RIMS1: variants seen among roughly 807,000 people sequenced by gnomAD.
The protein encoded by RIMS1 is regulating synaptic membrane exocytosis 1.
A neutral mutation model predicts 214.1 loss-of-function variants in RIMS1; 83 were observed. The observed-to-expected ratio is 0.39, with a 90% CI of 0.32 to 0.47. The LOEUF (loss-of-function observed/expected upper bound fraction) is 0.47. Ranked by LOEUF, RIMS1 falls within the 20% of genes least tolerant of loss-of-function variation. RIMS1 has a pLI of 0.99. For synonymous variants in RIMS1, 793 were observed against 786.8 expected (o/e 1.01, Z -0.13); for missense variants, 2,050 against 2,161.8 (o/e 0.95, Z 1.03).
At chr6:72,067,462 T>G (rs1251242569) in intron 2 of RIMS1, among the ~76,000 whole-genome samples, 1 of 152,190 alleles carries the variant, frequency 6.6e-6, no homozygotes, top group Non-Finnish European at 1.5e-5. Flanking sequence ...TCATCTCTAT[T>G]CAAATTCACT....
chr6:72,292,209 G>A (rs1592236468), intron 26 of RIMS1, among the ~76,000 whole-genome samples, 163 bp downstream of exon 26: 2 of 152,204 alleles, frequency 1.3e-5, no homozygotes, highest in East Asian at 3.9e-4. Context: ...AGTGACAGTG[G>A]TTCATGGCAT....
chr6:72,304,924 C>A (rs1245393925), intron 26 of RIMS1, among the ~76,000 whole-genome samples: 1 of 151,838 alleles, frequency 6.6e-6, no homozygotes, highest in African/African-American at 2.4e-5. Context: ...GGAGTCTACT[C>A]ATCATTTTGA....
chr6:72,307,494 C>G, intron 27 of RIMS1, 124 bp downstream of exon 27: 1 of 589,366 alleles, frequency 1.7e-6, no homozygotes, highest in Non-Finnish European at 2.9e-6. Context: ...CATGGTAGCT[C>G]ACACCTGTAA....
intron 4 of RIMS1, among the ~76,000 whole-genome samples, chr6:72,142,117 G>A (rs1223270294): frequency 6.6e-6 from 1 of 151,886 alleles, no homozygotes. Context: ...CACTAAGTAT[G>A]TGACTGGAAA....
intron 27 of RIMS1, among the ~76,000 whole-genome samples, chr6:72,311,447 G>T (rs972594730): frequency 6.6e-6 from 1 of 152,146 alleles, no homozygotes; most frequent in Admixed American, 6.5e-5. Flanking sequence ...AAACCATATT[G>T]TCACATTGCT....
chr6:72,119,309 T>C (rs1315816549), intron 4 of RIMS1, among the ~76,000 whole-genome samples: 1 of 151,664 alleles, frequency 6.6e-6, no homozygotes, highest in African/African-American at 2.4e-5. Context: ...AAAAAAATAA[T>C]AGATGACACA....
At chr6:72,319,644 C>T (rs1430304852) in intron 28 of RIMS1, among the ~76,000 whole-genome samples, 1 of 151,986 alleles carries the variant, frequency 6.6e-6, no homozygotes, top group Non-Finnish European at 1.5e-5. Context: ...AACAAGTGTA[C>T]AACTTCTTTA....
At chr6:72,249,237 TA>T (rs2071828972) in intron 12 of RIMS1, among the ~76,000 whole-genome samples, 1 of 152,166 alleles carries the variant, frequency 6.6e-6, no homozygotes, top group African/African-American at 2.4e-5. Context: ...GGAAAAAAAT[TA>T]AAGTTAACAT....
At position 72,321,843 on chromosome 6, in the gene RIMS1, A is replaced by C. The variant is rs146918328; in HGVS notation, c.4130+8171A>C. ...CCCTTCTGGGGACAGTATCACTCCC[A>C]ATGGGAATGCATGTTCAAATGAGTC... On this transcript the variant is annotated intron_variant, in intron 28 of 33. Transcript: ENST00000521978. 2.5e-3 allele frequency among the ~76,000 whole-genome samples: 384 copies of C among 152,146 alleles called. 1 individual carries two copies. Among genetic ancestry groups the C allele is most frequent in the African/African-American group, 8.7e-3 (363 of 41,524 alleles).
intron 2 of RIMS1, among the ~76,000 whole-genome samples, chr6:72,027,774 T>A (rs567588522): frequency 6.6e-6 from 1 of 152,268 alleles, no homozygotes; most frequent in South Asian, 2.1e-4. Context: ...TGGGTTTTTT[T>A]AATGGGAGTA....
chr6:72,262,223 A>T (rs1175671447), intron 19 of RIMS1: 7 of 761,392 alleles, frequency 9.2e-6, no homozygotes, highest in Non-Finnish European at 1.1e-5. Context: ...TTATATACTT[A>T]TATAATATTA....
intron 2 of RIMS1, among the ~76,000 whole-genome samples, chr6:72,085,716 G>A (rs1405194351): frequency 6.6e-6 from 1 of 152,096 alleles, no homozygotes; most frequent in Non-Finnish European, 1.5e-5. Flanking sequence ...TGAATCAGAA[G>A]CTCTGTAGGT....
At chr6:72,036,415 T>C (rs767895701) in intron 2 of RIMS1, among the ~76,000 whole-genome samples, 7 of 152,122 alleles carry the variant, frequency 4.6e-5, no homozygotes, top group Non-Finnish European at 1.0e-4. Flanking sequence ...CCTGCACTTA[T>C]CTATTCATTC....
intron 1 of RIMS1, among the ~76,000 whole-genome samples, chr6:71,939,358 T>G (rs1785364619): frequency 6.6e-6 from 1 of 152,170 alleles, no homozygotes. Context: ...AATACAGGCT[T>G]TTGGTAGCCC....
In RIMS1 at chr6:72,122,100, T is replaced by C. The variant is rs892532393; in HGVS notation, c.471+22114T>C. 1.5e-4 allele frequency among the ~76,000 whole-genome samples: 23 copies of C among 151,878 alleles called. 1 individual carries two copies. The highest frequency in any genetic ancestry group is 5.6e-4 in the African/African-American group (23 of 41,414). ...TTCTTATAGATGTTCATCAGGGATA[T>C]TTGTCTAAAATTCTCTTTTTTTTGT... is the stretch of plus-strand genomic sequence containing the variant. On this transcript the variant is annotated intron_variant, in intron 4 of 33. Transcript: ENST00000521978.
intron 4 of RIMS1, among the ~76,000 whole-genome samples, chr6:72,159,919 C>A (rs936583732): frequency 1.2e-4 from 17 of 139,748 alleles, no homozygotes; most frequent in African/African-American, 3.9e-4. Flanking sequence ...TTTTCCAATT[C>A]TGTCAAGAAA....
At chr6:71,986,185 G>GTTT (rs1193195276) in intron 2 of RIMS1, among the ~76,000 whole-genome samples, 1 of 99,408 alleles carries the variant, frequency 1.0e-5, no homozygotes, top group Admixed American at 1.3e-4. Flanking sequence ...ACAACTTTGG[G>GTTT]TTTTGTTTTT....
chr6:72,271,707 T>A (rs1487527337), intron 22 of RIMS1, among the ~76,000 whole-genome samples: 1 of 152,182 alleles, frequency 6.6e-6, no homozygotes, highest in Admixed American at 6.5e-5. Context: ...CTATCAATTC[T>A]CAATCCCCTT....
intron 4 of RIMS1, among the ~76,000 whole-genome samples, chr6:72,109,978 T>C (rs1294889759): frequency 1.3e-5 from 2 of 152,152 alleles, no homozygotes; most frequent in Non-Finnish European, 2.9e-5. Context: ...CCATTGCTTG[T>C]TTTTCTCATG....
Sources: allele counts gnomAD v4.1 joint callset (sites outside exome capture counted in the v4.1 genomes callset), GRCh38; gene constraint gnomAD v4.1.1; transcripts MANE v1.5; gene names NCBI Gene and HGNC (gene_info 2026-07-23, HGNC 2026-07-21).